The following ACSS2 variants were observed in gnomAD, a reference collection of about 807,000 sequenced individuals.
ACSS2 encodes acyl-CoA synthetase short chain family member 2.
Under a neutral mutation model 90.6 loss-of-function variants are expected in ACSS2, and 58 were observed. The ratio of observed to expected loss-of-function variants is 0.64; its 90% confidence interval spans 0.52 to 0.80. The LOEUF (loss-of-function observed/expected upper bound fraction) is 0.80, where lower values mean the gene tolerates loss of function less well. Ranked by LOEUF, ACSS2 falls within the 30% of genes least tolerant of loss-of-function variation. ACSS2 has a pLI of 0.00. For synonymous variants in ACSS2, 300 were observed against 330.9 expected, an observed-to-expected ratio of 0.91 and a Z score of 1.01; for missense variants, 759 against 912.0, an observed-to-expected ratio of 0.83 and a Z score of 2.16.
intron 16 of ACSS2, 63 bp downstream of exon 16, chr20:34,926,344 G>C: frequency 6.4e-7 from 1 of 1,560,860 alleles, no homozygotes; most frequent in East Asian, 2.3e-5. Context: ...ATCACTGCAA[G>C]TTGTTGGGGA....
At chr20:34,879,665 G>A (rs987307817) in intron 1 of ACSS2, among the ~76,000 whole-genome samples, 1 of 152,128 alleles carries the variant, frequency 6.6e-6, no homozygotes, top group Non-Finnish European at 1.5e-5. Flanking sequence ...CCGGGAGACG[G>A]AGATTGCAGT....
rs565524892 is a variant in ACSS2, at chr20:34,913,705, A to C, written c.571-48A>C. On this transcript the variant is annotated intron_variant, in intron 4 of 17. Coordinates refer to ENST00000360596, the MANE Select transcript of ACSS2 (RefSeq NM_018677.4). ...GAGCAACCCCTTTCTTCATTCACTC[A>C]ATCCCTGGGGCTTTCTTCTCTCCCT... 18 of 1,564,024 alleles carry C rather than the reference A, an allele frequency of 1.2e-5. No individual in the cohort carries two copies. The South Asian group carries it at 2.0e-4, about 17-fold the overall frequency.
At chr20:34,899,081 C>G (rs1389044323) in intron 2 of ACSS2, among the ~76,000 whole-genome samples, 1 of 152,186 alleles carries the variant, frequency 6.6e-6, no homozygotes, top group Non-Finnish European at 1.5e-5. Flanking sequence ...CCGGCAGGGC[C>G]GGCCGGCTGC....
intron 2 of ACSS2, among the ~76,000 whole-genome samples, chr20:34,884,656 G>A (rs1423338027): frequency 6.6e-6 from 1 of 152,190 alleles, no homozygotes; most frequent in African/African-American, 2.4e-5. Flanking sequence ...ACTGTCCATT[G>A]TGTCTGTTGA....
Position 34,920,567 on chromosome 20 carries a change from T to C in ACSS2, c.1001T>C (p.Met334Thr), listed in dbSNP as rs1325088345. ...GTGGTTCACACAGTTGGGGGCTACA[T>C]GCTCTATGTAGCCACAACCTTCAAG... ...KGVVHTVGGY[M>T]LYVATTFKYV... Residue 334 changes from methionine to threonine, a missense_variant, in exon 9 of 18, where the codon ATG becomes ACG. Met to Thr is a moderately conservative substitution (Grantham distance 81). Coordinates refer to ENST00000360596, the MANE Select transcript of ACSS2 (RefSeq NM_018677.4). The C allele has an allele frequency of 6.2e-7, 1 of 1,614,182 alleles. No individual in the cohort carries two copies. Among genetic ancestry groups the C allele is most frequent in the Non-Finnish European group, 8.5e-7 (1 of 1,180,014 alleles).
At chr20:34,912,033 G>A (rs1187411064) in intron 2 of ACSS2, among the ~76,000 whole-genome samples, 3 of 151,980 alleles carry the variant, frequency 2.0e-5, no homozygotes, top group African/African-American at 7.3e-5. Flanking sequence ...GGCCAGGCTG[G>A]TCTCAAACTC....
intron 2 of ACSS2, among the ~76,000 whole-genome samples, chr20:34,899,419 TTTCTTTCC>T (rs1405336662): frequency 4.6e-5 from 3 of 64,958 alleles, no homozygotes; most frequent in African/African-American, 1.8e-4. Flanking sequence ...TCTTTCTTTC[TTTCTTTCC>T]TTCCTTCCTT....
chr20:34,877,984 A>T (rs989815369), intron 1 of ACSS2, among the ~76,000 whole-genome samples: 2 of 151,412 alleles, frequency 1.3e-5, no homozygotes, highest in Non-Finnish European at 3.0e-5. Context: ...CCCATGCTGG[A>T]GTGCAGTGGC....
At chr20:34,902,035 T>A (rs1054299722) in intron 2 of ACSS2, among the ~76,000 whole-genome samples, 1 of 152,208 alleles carries the variant, frequency 6.6e-6, no homozygotes, top group Admixed American at 6.5e-5. Context: ...AAGGTTTTTT[T>A]TTTAATATGG....
chr20:34,900,826 T>C (rs1384994059), intron 2 of ACSS2, among the ~76,000 whole-genome samples: 4 of 152,228 alleles, frequency 2.6e-5, no homozygotes, highest in Non-Finnish European at 5.9e-5. Context: ...TCCTTGGTAG[T>C]TGTCAACCTC....
chr20:34,916,785 C>T (rs530575777), intron 7 of ACSS2, among the ~76,000 whole-genome samples: 107 of 152,172 alleles, frequency 7.0e-4, no homozygotes, highest in African/African-American at 2.5e-3. Flanking sequence ...CCAGGGAGAT[C>T]CTGGCAGGGT....
rs1568999123 is a variant in ACSS2 at position 34,921,530 on chromosome 20, T to C, written c.1411-14T>C. The C allele has an allele frequency of 6.2e-7, 1 of 1,614,212 alleles. No homozygotes were observed. Among genetic ancestry groups the C allele is most frequent in the Non-Finnish European group, 8.5e-7 (1 of 1,180,028 alleles). ...GGAAGATTGACTCAAATTTCTCATCTCTGACTTCCCCAGGGTGGCCACATG... is the reference window on the plus strand; with the variant it reads ...GGAAGATTGACTCAAATTTCTCATCCCTGACTTCCCCAGGGTGGCCACATG... On this transcript the variant is annotated splice_polypyrimidine_tract_variant and intron_variant, in intron 11 of 17. Transcript: ENST00000360596.
At chr20:34,887,358 A>G (rs774171652) in intron 2 of ACSS2, among the ~76,000 whole-genome samples, 1 of 152,242 alleles carries the variant, frequency 6.6e-6, no homozygotes, top group Non-Finnish European at 1.5e-5. Context: ...ACTGATTTAA[A>G]TTAACTTTAA....
chr20:34,894,937 A>G (rs948604627), intron 2 of ACSS2, among the ~76,000 whole-genome samples: 17 of 152,166 alleles, frequency 1.1e-4, no homozygotes, highest in African/African-American at 4.1e-4. Context: ...GGATGTCGTT[A>G]GAAATCCAGA....
rs144679210 is a variant in ACSS2, at chr20:34,919,329, G to A, written c.835-106G>A. 529 of 1,536,088 alleles carry A rather than the reference G, an allele frequency of 3.4e-4. 8 individuals carry two copies. In the East Asian group the frequency reaches 0.011, roughly 31 times the overall value. On this transcript the variant is annotated intron_variant, in intron 7 of 17. Coordinates refer to ENST00000360596, the MANE Select transcript of ACSS2 (RefSeq NM_018677.4). ...CTTGAAGGGCCTTCTCTCCCTTCCT[G>A]TACTCCTACCTGCCTGTCCCACCTC...
intron 2 of ACSS2, among the ~76,000 whole-genome samples, chr20:34,887,245 T>A (rs1307405898): frequency 1.3e-5 from 2 of 152,234 alleles, no homozygotes; most frequent in African/African-American, 4.8e-5. Context: ...ATACTCTCAC[T>A]CCTAGTCAAC....
upstream of ACSS2, among the ~76,000 whole-genome samples, chr20:34,876,222 G>A (rs2079902627): frequency 6.6e-6 from 1 of 151,754 alleles, no homozygotes; most frequent in Admixed American, 6.6e-5. Context: ...TCACTCCATG[G>A]CTCTGCCTCC....
At chr20:34,919,339 C>T in intron 7 of ACSS2, 96 bp from the exon 8 acceptor site, 1 of 1,555,920 alleles carries the variant, frequency 6.4e-7, no homozygotes, top group South Asian at 1.2e-5. Context: ...GTACTCCTAC[C>T]TGCCTGTCCC....
chr20:34,927,035 C>T lies in ACSS2; in HGVS notation c.1979-52C>T. On this transcript the variant is annotated intron_variant, in intron 17 of 17. Coordinates refer to ENST00000360596, the MANE Select transcript of ACSS2 (RefSeq NM_018677.4). This position sits in a 1 kb window ranked among gnomAD's most constrained non-coding sequence, Gnocchi z 4.2. ...GCGTGGATGAAAGCCTTTGGCAGGG[C>T]TAGGGTGGGTCAGTGCTTTCACCAA... 1.2e-6 allele frequency: 2 copies of T among 1,613,980 alleles called. No individual in the cohort carries two copies. Among genetic ancestry groups the T allele is most frequent in the South Asian group, 2.2e-5 (2 of 91,066 alleles).
Sources: allele counts gnomAD v4.1 joint callset (sites outside exome capture counted in the v4.1 genomes callset), GRCh38; gene constraint gnomAD v4.1.1; non-coding constraint Gnocchi (gnomAD v3.1); transcripts MANE v1.5; gene names NCBI Gene and HGNC (gene_info 2026-07-23, HGNC 2026-07-21).